CADPS: variants seen among roughly 807,000 people sequenced by gnomAD.
CADPS encodes the protein calcium dependent secretion activator.
Under a neutral mutation model 167.3 loss-of-function variants are expected in CADPS, and 57 were observed. That is an observed-to-expected ratio of 0.34 (90% CI 0.28 to 0.42). The LOEUF (loss-of-function observed/expected upper bound fraction) is 0.42. Among genes scored for constraint, CADPS ranks in the 20% least tolerant of loss-of-function variants. The probability of loss-of-function intolerance (pLI) is 1.00; values close to 1 mark genes in which losing one functional copy is unlikely to be tolerated. For synonymous variants in CADPS, 676 were observed against 635.3 expected, an observed-to-expected ratio of 1.06 and a Z score of -0.96; for missense variants, 1,414 against 1,738.1, an observed-to-expected ratio of 0.81 and a Z score of 3.32.
intron 9 of CADPS, among the ~76,000 whole-genome samples, chr3:62,566,679 C>T (rs2080276159): frequency 6.6e-6 from 1 of 152,042 alleles, no homozygotes; most frequent in Non-Finnish European, 1.5e-5. Flanking sequence ...GTGAATAGGA[C>T]AAGAATTGAA....
At position 62,550,054 on chromosome 3, in the gene CADPS, G is replaced by A; in HGVS notation, c.1815C>T (p.Ala605=). The A allele has an allele frequency of 6.2e-7, 1 of 1,614,066 alleles. No individual in the cohort carries two copies. The highest frequency in any genetic ancestry group is 8.5e-7 in the Non-Finnish European group (1 of 1,179,972). Residue 605 remains alanine, a synonymous_variant, in exon 11 of 30, where the codon GCC becomes GCT. Coordinates refer to ENST00000383710, the MANE Select transcript of CADPS (RefSeq NM_003716.4). The part of the protein sequence containing the change: ...AVKEGDTVIF[A]SDDEQDRILW... ...GGATGCGGTCTTGTTCATCGTCACT[G>A]GCAAATATCACGGTGTCTCCCTCCT...
chr3:62,399,382 C>A lies in CADPS; in HGVS notation c.*24G>T. 6.2e-7 allele frequency: 1 copy of A among 1,609,100 alleles called. No homozygotes were observed. The highest frequency in any genetic ancestry group is 1.1e-5 in the South Asian group (1 of 90,922). On this transcript the variant is annotated 3_prime_UTR_variant, in exon 30 of 30. Coordinates refer to ENST00000383710, the MANE Select transcript of CADPS (RefSeq NM_003716.4). This position sits in a 1 kb window ranked among gnomAD's most constrained non-coding sequence, Gnocchi z 5.6. ...ATGCACTGATTACAGGACTCTGTCCCAGCAGACTCTAGGACCAAATGGTCT... is the reference window on the plus strand; with the variant it reads ...ATGCACTGATTACAGGACTCTGTCCAAGCAGACTCTAGGACCAAATGGTCT...
At position 62,516,568 on chromosome 3, in the gene CADPS, T is replaced by C. The variant is rs1485224255; in HGVS notation, c.2457+12A>G. ...TATATATATGTGATCTATCTTTTAC[T>C]TTCATTCTTACCCTTTCCAAGAGTG... On this transcript the variant is annotated intron_variant, in intron 15 of 29. Transcript: ENST00000383710. 1 of 1,584,432 alleles carries C rather than the reference T, an allele frequency of 6.3e-7. No individual in the cohort carries two copies. The highest frequency in any genetic ancestry group is 8.6e-7 in the Non-Finnish European group (1 of 1,159,672).
intron 1 of CADPS, among the ~76,000 whole-genome samples, chr3:62,766,260 T>A (rs1000286631): frequency 6.6e-6 from 1 of 152,202 alleles, no homozygotes; most frequent in African/African-American, 2.4e-5. Flanking sequence ...CACATTTCAC[T>A]TTCATCAGTG....
chr3:62,853,613 A>C (rs1166641646), intron 1 of CADPS, among the ~76,000 whole-genome samples: 2 of 142,278 alleles, frequency 1.4e-5, no homozygotes, highest in Non-Finnish European at 3.1e-5. Context: ...CAACCAGAGC[A>C]AAACTCCACT....
chr3:62,474,444 C>A, intron 23 of CADPS, 124 bp from the exon 24 acceptor site: 1 of 833,064 alleles, frequency 1.2e-6, no homozygotes, highest in Admixed American at 2.1e-5. Flanking sequence ...TCAACAATGA[C>A]TTCACATGTG....
intron 28 of CADPS, among the ~76,000 whole-genome samples, chr3:62,422,125 T>A (rs2051550686): frequency 6.6e-6 from 1 of 152,188 alleles, no homozygotes; most frequent in Non-Finnish European, 1.5e-5. Flanking sequence ...TTTCTCTAAT[T>A]CTGTGTAAGC....
At chr3:62,810,610 G>T (rs1473694730) in intron 1 of CADPS, among the ~76,000 whole-genome samples, 1 of 152,118 alleles carries the variant, frequency 6.6e-6, no homozygotes, top group Non-Finnish European at 1.5e-5. Flanking sequence ...AGAACAAAAT[G>T]ACTTCCATTA....
Position 62,549,887 on chromosome 3 carries a change from C to T in CADPS, c.1966+16G>A, listed in dbSNP as rs775561323. On this transcript the variant is annotated intron_variant, in intron 11 of 29. Transcript: ENST00000383710. Reference sequence around the variant, plus strand: ...ACTCTACAGAGCTATTTTTGTAAAACGGCATATTTACTTACAAAATTGAGA... The same window carrying T: ...ACTCTACAGAGCTATTTTTGTAAAATGGCATATTTACTTACAAAATTGAGA... 1.4e-5 allele frequency: 22 copies of T among 1,593,224 alleles called. No individual in the cohort carries two copies. Among genetic ancestry groups the T allele is most frequent in the Middle Eastern group, 1.7e-4 (1 of 6,032 alleles).
intron 6 of CADPS, among the ~76,000 whole-genome samples, chr3:62,621,954 G>T (rs1190838359): frequency 1.3e-5 from 2 of 150,858 alleles, no homozygotes; most frequent in Non-Finnish European, 2.9e-5. Context: ...TTCTCCAGCA[G>T]TAATGGCTCT....
intron 3 of CADPS, among the ~76,000 whole-genome samples, chr3:62,693,693 G>GA (rs1427838655): frequency 6.6e-6 from 1 of 151,732 alleles, no homozygotes; most frequent in African/African-American, 2.4e-5. Context: ...GCTGAGGCAG[G>GA]AGGATCACTT....
chr3:62,434,836 C>A (rs1458764425), intron 28 of CADPS, among the ~76,000 whole-genome samples: 5 of 152,144 alleles, frequency 3.3e-5, no homozygotes, highest in Non-Finnish European at 7.4e-5. Flanking sequence ...CAAGGGCACA[C>A]TCAGAAGGGC....
rs537501432 is a variant in CADPS, at chr3:62,680,900, T to A, written c.889-18506A>T. 7.2e-5 allele frequency among the ~76,000 whole-genome samples: 11 copies of A among 152,080 alleles called. 1 individual carries two copies. The highest frequency in any genetic ancestry group is 2.7e-4 in the African/African-American group (11 of 41,454). ...ACAGCCCTGAGAGGTTCTGAAACCATGTGGATTCCATGAGGCAATCTTTAG... is the reference window on the plus strand; with the variant it reads ...ACAGCCCTGAGAGGTTCTGAAACCAAGTGGATTCCATGAGGCAATCTTTAG... On this transcript the variant is annotated intron_variant, in intron 3 of 29. Coordinates refer to ENST00000383710, the MANE Select transcript of CADPS (RefSeq NM_003716.4).
At chr3:62,867,364 C>T (rs754001756) in intron 1 of CADPS, among the ~76,000 whole-genome samples, 63 of 152,020 alleles carry the variant, frequency 4.1e-4, no homozygotes, top group Admixed American at 9.2e-4. Flanking sequence ...AAGCTTGTGG[C>T]AAATCTTCCC....
intron 28 of CADPS, among the ~76,000 whole-genome samples, chr3:62,426,131 G>A (rs1036241510): frequency 6.6e-6 from 1 of 151,994 alleles, no homozygotes; most frequent in Non-Finnish European, 1.5e-5. Context: ...ATTAGGAAAG[G>A]GTGTGGGGTG....
intron 17 of CADPS, among the ~76,000 whole-genome samples, chr3:62,511,110 T>G (rs2067722982): frequency 6.6e-6 from 1 of 152,128 alleles, no homozygotes; most frequent in Admixed American, 6.6e-5. Context: ...ACCTTTGCAG[T>G]TGAGACCTGT....
chr3:62,669,715 A>G (rs998748735), intron 3 of CADPS, among the ~76,000 whole-genome samples: 2 of 152,160 alleles, frequency 1.3e-5, no homozygotes, highest in African/African-American at 2.4e-5. Flanking sequence ...TTTTAACTCT[A>G]AATTGGGAAC....
At chr3:62,656,247 T>A (rs748958475) in intron 4 of CADPS, among the ~76,000 whole-genome samples, 32 of 152,146 alleles carry the variant, frequency 2.1e-4, no homozygotes, top group Non-Finnish European at 4.1e-4. Context: ...GTACTAATAA[T>A]GATGGTGCCT....
At chr3:62,853,484 G>T (rs1441581654) in intron 1 of CADPS, among the ~76,000 whole-genome samples, 1 of 151,970 alleles carries the variant, frequency 6.6e-6, no homozygotes, top group African/African-American at 2.4e-5. Flanking sequence ...AATTAGGTGG[G>T]CATGGTGGCA....
Sources: gnomAD v4.1 joint callset for allele counts (sites outside exome capture counted in the v4.1 genomes callset) on GRCh38, gnomAD v4.1.1 for gene constraint, Gnocchi (gnomAD v3.1) non-coding constraint, MANE v1.5 for transcripts, NCBI Gene and HGNC (gene_info 2026-07-23, HGNC 2026-07-21) for gene names.